The following CAMK2D variants were observed in gnomAD, a reference collection of about 807,000 sequenced individuals.
CAMK2D encodes calcium/calmodulin-dependent protein kinase type II subunit delta.
In CAMK2D, 37 loss-of-function variants were observed where a neutral mutation model predicts 84.0. That is an observed-to-expected ratio of 0.44 (90% CI 0.34 to 0.58). The LOEUF is 0.58. CAMK2D is among the 20% of genes least tolerant of loss of function. The probability of loss-of-function intolerance (pLI) is 0.02; values close to 1 mark genes in which losing one functional copy is unlikely to be tolerated. For synonymous variants in CAMK2D, 202 were observed against 212.5 expected (o/e 0.95, Z 0.43); for missense variants, 448 against 652.5 (o/e 0.69, Z 3.41).
chr4:113,757,239 T>C (rs572282887), intron 2 of CAMK2D, among the ~76,000 whole-genome samples: 1 of 152,264 alleles, frequency 6.6e-6, no homozygotes, highest in Admixed American at 6.5e-5. Context: ...AATTTGATCA[T>C]TATGACAATT....
rs190572112 is a variant in CAMK2D, at chr4:113,480,243, G to A, written c.1136-14639C>T. ...CTCCCAAAGTGCTAGAATTACAGGC[G>A]TGAACTACCGCACCCGGCCAGCATT... On this transcript the variant is annotated intron_variant, in intron 16 of 20. Transcript: ENST00000511664. Among the ~76,000 whole-genome samples, 203 of 152,166 alleles carry A rather than the reference G, an allele frequency of 1.3e-3. 1 individual carries two copies. Among genetic ancestry groups the A allele is most frequent in the Non-Finnish European group, 1.9e-3 (132 of 68,012 alleles).
chr4:113,754,330 C>T (rs1434669762), intron 2 of CAMK2D: 1 of 981,972 alleles, frequency 1.0e-6, no homozygotes, highest in Non-Finnish European at 1.2e-6. Flanking sequence ...TCAGTATAAG[C>T]CCAAGGAAGA....
intron 4 of CAMK2D, among the ~76,000 whole-genome samples, chr4:113,595,383 A>C (rs1279669935): frequency 6.6e-6 from 1 of 152,164 alleles, no homozygotes; most frequent in African/African-American, 2.4e-5. Flanking sequence ...AAATTGATCT[A>C]ATAGGTAACA....
intron 4 of CAMK2D, among the ~76,000 whole-genome samples, chr4:113,600,588 C>T (rs987272076): frequency 6.6e-6 from 1 of 152,074 alleles, no homozygotes; most frequent in Non-Finnish European, 1.5e-5. Flanking sequence ...GGTGATATAA[C>T]ACCAAGAAAT....
intron 2 of CAMK2D, among the ~76,000 whole-genome samples, chr4:113,682,781 A>C (rs1375676234): frequency 6.6e-6 from 1 of 152,222 alleles, no homozygotes; most frequent in East Asian, 1.9e-4. Flanking sequence ...TACAATGACT[A>C]TTATTCTAAG....
chr4:113,730,616 A>C (rs2099564731), intron 2 of CAMK2D, among the ~76,000 whole-genome samples: 3 of 152,360 alleles, frequency 2.0e-5, no homozygotes, highest in Admixed American at 2.0e-4. Flanking sequence ...TTTCATTCAC[A>C]TAGCCAAGCC....
chr4:113,680,433 G>T (rs533743081), intron 2 of CAMK2D, among the ~76,000 whole-genome samples: 2 of 152,324 alleles, frequency 1.3e-5, no homozygotes, highest in South Asian at 4.1e-4. Context: ...CCAGCTCTGT[G>T]CAGCTGAAGC....
chr4:113,507,812 C>T (rs76606240), intron 13 of CAMK2D, among the ~76,000 whole-genome samples: 1 of 151,964 alleles, frequency 6.6e-6, no homozygotes, highest in Non-Finnish European at 1.5e-5. Flanking sequence ...AGGATTGGTA[C>T]ATTGTAAGAT....
intron 4 of CAMK2D, among the ~76,000 whole-genome samples, chr4:113,573,395 TG>T (rs2098763854): frequency 6.6e-6 from 1 of 152,240 alleles, no homozygotes. Flanking sequence ...ATTTTAGTAC[TG>T]ATGCTCTCCT....
chr4:113,487,380 T>C (rs1049959573), intron 16 of CAMK2D, among the ~76,000 whole-genome samples: 9 of 152,244 alleles, frequency 5.9e-5, no homozygotes, highest in Admixed American at 3.9e-4. Context: ...TTTATAGATA[T>C]ATTTATTGGT....
At chr4:113,548,648 T>C (rs1245603450) in intron 5 of CAMK2D, 3 of 1,398,612 alleles carry the variant, frequency 2.1e-6, no homozygotes, top group African/African-American at 1.4e-5. Flanking sequence ...ATGGACTCCA[T>C]ATACTGACCT....
At chr4:113,503,307 TG>T (rs2098082547) in intron 14 of CAMK2D, 1 of 566,212 alleles carries the variant, frequency 1.8e-6, no homozygotes, top group Non-Finnish European at 3.4e-6. Context: ...CTTTAATGAG[TG>T]GCCTGTGAAC....
intron 3 of CAMK2D, among the ~76,000 whole-genome samples, chr4:113,655,484 C>G (rs2099195288): frequency 1.3e-5 from 2 of 152,154 alleles, no homozygotes; most frequent in South Asian, 4.1e-4. Context: ...CATTTGCTCT[C>G]TAGCTGCTGA....
chr4:113,662,925 ATT>A lies in CAMK2D; in HGVS notation c.161-1155_161-1154del, dbSNP rs567357923. Among the ~76,000 whole-genome samples the A allele has an allele frequency of 9.4e-4, 143 of 152,118 alleles. 1 individual carries two copies. The highest frequency in any genetic ancestry group is 3.3e-3 in the African/African-American group (136 of 41,498). ...GTTGTATATAATGTATATAATGTAG[ATT>A]TTTTTTGGCCATTTAGAAAAATATT... On this transcript the variant is annotated intron_variant, in intron 2 of 20. Coordinates refer to ENST00000511664, the MANE Select transcript of CAMK2D (RefSeq NM_001321571.2).
intron 2 of CAMK2D, among the ~76,000 whole-genome samples, chr4:113,690,764 T>C (rs1034945808): frequency 1.3e-5 from 2 of 152,212 alleles, no homozygotes; most frequent in African/African-American, 2.4e-5. Context: ...CACATATTCA[T>C]TGATTTCATT....
intron 2 of CAMK2D, among the ~76,000 whole-genome samples, chr4:113,726,514 T>TGGG (rs1041497574): frequency 6.6e-6 from 1 of 151,390 alleles, no homozygotes; most frequent in Non-Finnish European, 1.5e-5. Flanking sequence ...ACTGAGTAGC[T>TGGG]GGGGCTACAG....
At chr4:113,723,811 G>T (rs1364622393) in intron 2 of CAMK2D, among the ~76,000 whole-genome samples, 1 of 152,000 alleles carries the variant, frequency 6.6e-6, no homozygotes, top group Admixed American at 6.6e-5. Flanking sequence ...CAAAGAATGG[G>T]GTAGAAAAAC....
At chr4:113,561,639 C>T (rs1477822272) in intron 4 of CAMK2D, among the ~76,000 whole-genome samples, 1 of 152,170 alleles carries the variant, frequency 6.6e-6, no homozygotes, top group Non-Finnish European at 1.5e-5. Flanking sequence ...TCAATCTAGA[C>T]ATTTTTAAAA....
intron 5 of CAMK2D, among the ~76,000 whole-genome samples, chr4:113,548,322 C>T (rs1342453628): frequency 1.3e-5 from 2 of 152,196 alleles, no homozygotes; most frequent in Non-Finnish European, 2.9e-5. Flanking sequence ...TTAAAATCTA[C>T]AGGCGGACAT....
Sources: gnomAD v4.1 joint callset for allele counts (sites outside exome capture counted in the v4.1 genomes callset) on GRCh38, gnomAD v4.1.1 for gene constraint, MANE v1.5 for transcripts, NCBI Gene and HGNC (gene_info 2026-07-23, HGNC 2026-07-21) for gene names.